Variants in ADIPOR1 observed in about 807,000 individuals in gnomAD.
ADIPOR1 encodes adiponectin receptor 1.
Under a neutral mutation model 37.5 loss-of-function variants are expected in ADIPOR1, and 15 were observed. That is an observed-to-expected ratio of 0.40 (90% confidence interval 0.27 to 0.62). The LOEUF is 0.62. Ranked by LOEUF, ADIPOR1 falls within the 20% of genes least tolerant of loss-of-function variation. ADIPOR1 has a pLI of 0.42. For synonymous variants in ADIPOR1, 173 were observed against 173.2 expected (o/e 1.00, Z 0.01); for missense variants, 286 against 478.0 (o/e 0.60, Z 3.75).
At chr1:202,951,358 T>G (rs980748075) in intron 1 of ADIPOR1, among the ~76,000 whole-genome samples, 194 bp from the exon 2 acceptor site, 2 of 152,152 alleles carry the variant, frequency 1.3e-5, no homozygotes, top group Non-Finnish European at 2.9e-5. Context: ...CTCACTAATC[T>G]TATAGGTAAG....
intron 1 of ADIPOR1, 26 bp downstream of exon 1, chr1:202,958,159 C>T (rs957237344): frequency 1.3e-5 from 2 of 152,274 alleles, no homozygotes; most frequent in Admixed American, 1.3e-4. Flanking sequence ...AGTCCCTGCC[C>T]ACCGCGCAGC....
At chr1:202,944,947 T>C (rs201596216) in intron 5 of ADIPOR1, 36 bp downstream of exon 5, 1 of 1,571,454 alleles carries the variant, frequency 6.4e-7, no homozygotes, top group East Asian at 2.2e-5. Flanking sequence ...GTGACAACAG[T>C]GCACAGTATT....
intron 2 of ADIPOR1, among the ~76,000 whole-genome samples, chr1:202,948,649 AAAG>A (rs1214993942): frequency 2.0e-5 from 3 of 152,302 alleles, no homozygotes; most frequent in Admixed American, 1.3e-4. Context: ...GCAGTGCGTA[AAAG>A]AAGGACTGTC....
At chr1:202,952,138 G>T (rs1208846028) in intron 1 of ADIPOR1, among the ~76,000 whole-genome samples, 1 of 152,170 alleles carries the variant, frequency 6.6e-6, no homozygotes, top group African/African-American at 2.4e-5. Context: ...AGTTTCCAAA[G>T]ATTTCCACTA....
chr1:202,946,353 C>T lies in ADIPOR1; in HGVS notation c.430+86G>A, dbSNP rs569945430. On this transcript the variant is annotated intron_variant, in intron 4 of 7. Coordinates refer to ENST00000340990, the MANE Select transcript of ADIPOR1 (RefSeq NM_015999.6). The stretch of plus-strand genomic sequence containing the variant: ...TAAAGGTAGAATCCCAGCTGCCAAT[C>T]GATCTGAACAACTTTGTTGGGCTCT... 27 of 1,512,626 alleles carry T rather than the reference C, an allele frequency of 1.8e-5. No homozygotes were observed. The East Asian group carries it at 4.3e-4, about 24-fold the overall frequency. The allele number at this position is 1,512,626 out of a possible 1,614,324, so 93.7% of individuals were successfully genotyped here.
intron 3 of ADIPOR1, among the ~76,000 whole-genome samples, chr1:202,946,812 T>TAA (rs376398598): frequency 2.1e-5 from 3 of 140,242 alleles, no homozygotes; most frequent in Non-Finnish European, 3.1e-5. Flanking sequence ...TTTTGACCAT[T>TAA]AAAAAAAAAA....
At chr1:202,948,797 T>TTTC (rs983736533) in intron 2 of ADIPOR1, among the ~76,000 whole-genome samples, 1 of 5,354 alleles carries the variant, frequency 1.9e-4, no homozygotes, top group Non-Finnish European at 7.6e-4. Flanking sequence ...TCTTTCTTTC[T>TTTC]TTTTTTTTTT....
At chr1:202,947,320 G>A (rs61822679) in intron 3 of ADIPOR1, among the ~76,000 whole-genome samples, 1 of 151,872 alleles carries the variant, frequency 6.6e-6, no homozygotes, top group African/African-American at 2.4e-5. Flanking sequence ...TTGGGAGTTC[G>A]AGACTAGCCT....
At chr1:202,944,888 A>G in intron 5 of ADIPOR1, 95 bp downstream of exon 5, 1 of 1,224,782 alleles carries the variant, frequency 8.2e-7, no homozygotes, top group Non-Finnish European at 1.1e-6. Flanking sequence ...AGAAACCTTT[A>G]GGAGTGATAT....
intron 4 of ADIPOR1, 35 bp from the exon 5 acceptor site, chr1:202,945,204 A>T: frequency 6.5e-7 from 1 of 1,537,992 alleles, no homozygotes; most frequent in Non-Finnish European, 8.7e-7. Context: ...ACCTGTAAGA[A>T]AAAAGGGAAT....
Position 202,948,429 on chromosome 1 carries a change from G to GA in ADIPOR1, c.142-10dup. 26 of 1,610,346 alleles carry GA rather than the reference G, an allele frequency of 1.6e-5. No individual in the cohort carries two copies. The highest frequency in any genetic ancestry group is 2.2e-5 in the Non-Finnish European group (26 of 1,176,904). On this transcript the variant is annotated splice_polypyrimidine_tract_variant and intron_variant, in intron 2 of 7. Transcript: ENST00000340990. ...GTTTGCTCTTCTTCAGCCTATGGGG[G>GA]AAAAAACCCACAACAATCCAGGGAG...
chr1:202,949,454 C>G, intron 2 of ADIPOR1, among the ~76,000 whole-genome samples: 1 of 151,766 alleles, frequency 6.6e-6, no homozygotes, highest in East Asian at 2.0e-4. Flanking sequence ...GTGGCGGGCA[C>G]CTGTAGTCCC....
At chr1:202,949,341 G>A (rs556998046) in intron 2 of ADIPOR1, among the ~76,000 whole-genome samples, 26 of 151,586 alleles carry the variant, frequency 1.7e-4, no homozygotes, top group African/African-American at 6.3e-4. Context: ...AGCACTTTGG[G>A]AGGCCGAGGC....
At chr1:202,949,638 T>TAG (rs1437529770) in intron 2 of ADIPOR1, among the ~76,000 whole-genome samples, 2 of 150,834 alleles carry the variant, frequency 1.3e-5, no homozygotes, top group Admixed American at 1.3e-4. Flanking sequence ...GGAGAGAACT[T>TAG]TCTCTCTCTC....
At chr1:202,948,689 C>A (rs1381983057) in intron 2 of ADIPOR1, among the ~76,000 whole-genome samples, 1 of 152,180 alleles carries the variant, frequency 6.6e-6, no homozygotes, top group African/African-American at 2.4e-5. Context: ...GGGGAATACA[C>A]CAGCTCTAGG....
chr1:202,951,258 A>T (rs1654571404), intron 1 of ADIPOR1, 94 bp from the exon 2 acceptor site: 1 of 629,140 alleles, frequency 1.6e-6, no homozygotes, highest in African/African-American at 1.8e-5. Context: ...TAATCAACTC[A>T]TATCCTGTCC....
intron 6 of ADIPOR1, among the ~76,000 whole-genome samples, chr1:202,943,196 A>G (rs1308223003): frequency 6.6e-6 from 1 of 152,254 alleles, no homozygotes. Context: ...CTGAAGGTTA[A>G]AACATAGCAG....
intron 4 of ADIPOR1, 134 bp from the exon 5 acceptor site, chr1:202,945,303 G>T: frequency 1.2e-6 from 1 of 860,184 alleles, no homozygotes; most frequent in Non-Finnish European, 1.7e-6. Flanking sequence ...AAAGCACAAT[G>T]AAATACCACC....
chr1:202,947,351 G>A (rs1215306491), intron 3 of ADIPOR1, among the ~76,000 whole-genome samples: 2 of 151,400 alleles, frequency 1.3e-5, no homozygotes, highest in South Asian at 2.1e-4. Context: ...GAGAAACCCC[G>A]TCTCTACTAA....
Sources: gnomAD v4.1 joint callset for allele counts (sites outside exome capture counted in the v4.1 genomes callset) on GRCh38, gnomAD v4.1.1 for gene constraint, MANE v1.5 for transcripts, NCBI Gene and HGNC (gene_info 2026-07-23, HGNC 2026-07-21) for gene names.